The following ZFHX3 variants were observed in gnomAD, a reference collection of about 807,000 sequenced individuals.
The protein encoded by ZFHX3 is zinc finger homeobox protein 3.
A neutral mutation model predicts 279.1 loss-of-function variants in ZFHX3; 42 were observed. That is an observed-to-expected ratio of 0.15 (90% confidence interval 0.12 to 0.19). The LOEUF (loss-of-function observed/expected upper bound fraction) is 0.19, where lower values mean the gene tolerates loss of function less well. ZFHX3 is among the 10% of genes least tolerant of loss of function. The pLI is 1.00. For missense variants in ZFHX3, 4,981 were observed against 4,754.0 expected, an observed-to-expected ratio of 1.05 and a Z score of -1.40; for synonymous variants, 2,293 against 1,957.8, an observed-to-expected ratio of 1.17 and a Z score of -4.52.
intron 5 of ZFHX3, among the ~76,000 whole-genome samples, chr16:73,182,045 T>C (rs1274766329): frequency 6.6e-6 from 1 of 152,186 alleles, no homozygotes; most frequent in Admixed American, 6.5e-5. Context: ...TTTCATATGA[T>C]ACAAGGGTAC....
chr16:73,625,137 C>G (rs7198393), intron 2 of ZFHX3, among the ~76,000 whole-genome samples: 5,793 of 152,288 alleles, frequency 0.038, 379 homozygotes, highest in African/African-American at 0.13. Flanking sequence ...TGGAACTGTG[C>G]AAGAAACATA....
intron 3 of ZFHX3, among the ~76,000 whole-genome samples, chr16:73,352,474 CTTTTTTTTTTTTTT>C (rs35974156): frequency 9.4e-5 from 5 of 53,256 alleles, no homozygotes; most frequent in Non-Finnish European, 1.7e-4. Flanking sequence ...CTCTCTCTCT[CTTTTTTTTTTTTTT>C]TTTTTTTTTT....
At chr16:72,967,828 T>C (rs1194609543) in intron 1 of ZFHX3, among the ~76,000 whole-genome samples, 1 of 149,846 alleles carries the variant, frequency 6.7e-6, no homozygotes, top group Admixed American at 6.6e-5. Context: ...CTCAGGAGGC[T>C]GAGGCAGGAG....
At chr16:73,750,835 G>C (rs2053756194) in intron 1 of ZFHX3, among the ~76,000 whole-genome samples, 1 of 152,010 alleles carries the variant, frequency 6.6e-6, no homozygotes, top group Admixed American at 6.5e-5. Flanking sequence ...ATTTAGAAAA[G>C]AAAAGAAAAA....
At chr16:73,680,844 A>G (rs1350247726) in intron 1 of ZFHX3, among the ~76,000 whole-genome samples, 1 of 152,176 alleles carries the variant, frequency 6.6e-6, no homozygotes, top group Non-Finnish European at 1.5e-5. Flanking sequence ...TGTGCGTGTG[A>G]GTGGGGTAAG....
chr16:73,069,344 C>G (rs1440287872), intron 8 of ZFHX3, among the ~76,000 whole-genome samples: 1 of 152,080 alleles, frequency 6.6e-6, no homozygotes, highest in Non-Finnish European at 1.5e-5. Context: ...AAGCGGGTGG[C>G]AGGGGGGAAG....
chr16:73,526,392 G>A (rs1023113879), intron 2 of ZFHX3, among the ~76,000 whole-genome samples: 1 of 152,240 alleles, frequency 6.6e-6, no homozygotes, highest in African/African-American at 2.4e-5. Context: ...GCCAAGTCTT[G>A]AGCGTAAGCT....
intron 3 of ZFHX3, among the ~76,000 whole-genome samples, chr16:73,423,648 G>C (rs1214936079): frequency 6.6e-6 from 1 of 152,160 alleles, no homozygotes; most frequent in African/African-American, 2.4e-5. Context: ...GATCACCTAA[G>C]GTCAGGAGTT....
intron 8 of ZFHX3, among the ~76,000 whole-genome samples, chr16:73,077,082 T>A (rs1965893596): frequency 6.6e-6 from 1 of 152,146 alleles, no homozygotes; most frequent in Admixed American, 6.5e-5. Context: ...GATGCGCTAA[T>A]AAATCTAGGC....
chr16:73,229,001 C>T (rs1032277216), intron 5 of ZFHX3, among the ~76,000 whole-genome samples: 3 of 152,118 alleles, frequency 2.0e-5, no homozygotes, highest in Non-Finnish European at 2.9e-5. Flanking sequence ...TCAATATACT[C>T]GGTATATACT....
intron 2 of ZFHX3, among the ~76,000 whole-genome samples, chr16:73,663,496 T>C (rs1158889571): frequency 6.6e-6 from 1 of 152,194 alleles, no homozygotes; most frequent in Admixed American, 6.5e-5. Context: ...CAACTTCCTG[T>C]ATGATCCAAA....
At chr16:73,435,975 G>A (rs547238736) in intron 3 of ZFHX3, among the ~76,000 whole-genome samples, 1 of 152,330 alleles carries the variant, frequency 6.6e-6, no homozygotes, top group South Asian at 2.1e-4. Context: ...AGGGATGGCT[G>A]CTGTTTTAGT....
chr16:73,616,069 T>C (rs1340252826), intron 2 of ZFHX3, among the ~76,000 whole-genome samples: 1 of 152,000 alleles, frequency 6.6e-6, no homozygotes, highest in Non-Finnish European at 1.5e-5. Context: ...CCGGAGGGTA[T>C]TGTTTTTGAT....
intron 2 of ZFHX3, among the ~76,000 whole-genome samples, chr16:73,534,380 C>T (rs2019858232): frequency 6.6e-6 from 1 of 152,142 alleles, no homozygotes; most frequent in South Asian, 2.1e-4. Flanking sequence ...AAATTGCAAC[C>T]TGCCACCAAC....
intron 4 of ZFHX3, among the ~76,000 whole-genome samples, chr16:72,834,125 T>C (rs1404426732): frequency 6.6e-6 from 1 of 152,134 alleles, no homozygotes; most frequent in African/African-American, 2.4e-5. Context: ...CACATGCTTG[T>C]AGTCGTAGCT....
intron 1 of ZFHX3, among the ~76,000 whole-genome samples, chr16:73,864,671 G>GATC (rs1332531366): frequency 2.6e-5 from 4 of 152,148 alleles, no homozygotes; most frequent in African/African-American, 4.8e-5. Context: ...AGTGAGCCAA[G>GATC]ATCGCCCCAC....
chr16:73,838,182 T>C (rs954713741), intron 1 of ZFHX3, among the ~76,000 whole-genome samples: 2 of 152,226 alleles, frequency 1.3e-5, no homozygotes, highest in African/African-American at 2.4e-5. Context: ...GTGCCCCAAA[T>C]TGGCTCAGAA....
chr16:73,339,811 G>A (rs1489724174), intron 3 of ZFHX3, among the ~76,000 whole-genome samples: 1 of 152,140 alleles, frequency 6.6e-6, no homozygotes, highest in South Asian at 2.1e-4. Flanking sequence ...GGGCATCAGC[G>A]GCTCCTTCAT....
chr16:73,180,087 G>C (rs1279585290), intron 5 of ZFHX3, among the ~76,000 whole-genome samples: 2 of 152,182 alleles, frequency 1.3e-5, no homozygotes, highest in African/African-American at 2.4e-5. Flanking sequence ...ACGGGAAACT[G>C]TATAAACAGA....
Sources: gnomAD v4.1 joint callset for allele counts (sites outside exome capture counted in the v4.1 genomes callset) on GRCh38, gnomAD v4.1.1 for gene constraint, MANE v1.5 for transcripts, NCBI Gene and HGNC (gene_info 2026-07-23, HGNC 2026-07-21) for gene names.